Variants in UGT1A8 observed in about 807,000 individuals in gnomAD.
UGT1A8 encodes UDP glucuronosyltransferase family 1 member A8.
Under a neutral mutation model 45.3 loss-of-function variants are expected in UGT1A8, and 39 were observed. The ratio of observed to expected loss-of-function variants is 0.86; its 90% CI spans 0.67 to 1.12. The LOEUF (loss-of-function observed/expected upper bound fraction) is 1.12. Among genes scored for constraint, UGT1A8 ranks in the 50% most tolerant of loss-of-function variants. The pLI, the probability that UGT1A8 is intolerant of heterozygous loss-of-function variation, is 0.00. For missense variants in UGT1A8, 719 were observed against 664.9 expected (o/e 1.08, Z -0.90); for synonymous variants, 275 against 249.2 (o/e 1.10, Z -0.97).
intron 1 of UGT1A8, among the ~76,000 whole-genome samples, chr2:233,633,605 T>G (rs879576552): frequency 1.1e-4 from 16 of 152,332 alleles, no homozygotes; most frequent in Non-Finnish European, 1.9e-4. Flanking sequence ...GTAGAGGTGT[T>G]GATAGTATTC....
intron 1 of UGT1A8, among the ~76,000 whole-genome samples, chr2:233,665,168 TA>T (rs2125493541): frequency 6.6e-6 from 1 of 152,326 alleles, no homozygotes; most frequent in East Asian, 1.9e-4. Context: ...GCCAATAAAT[TA>T]TAGACATCTT....
At chr2:233,727,938 C>T (rs2077667828) in intron 1 of UGT1A8, among the ~76,000 whole-genome samples, 1 of 152,196 alleles carries the variant, frequency 6.6e-6, no homozygotes. Flanking sequence ...AGTGCACACC[C>T]CAGACAGCCT....
Position 233,720,480 on chromosome 2 carries a change from G to GTCCAAGAAGGGACTTCTGGTGAGGA in UGT1A8, c.856-46542_856-46541insCTTCTGGTGAGGATCCAAGAAGGGA, listed in dbSNP as rs2076862998. Among the ~76,000 whole-genome samples the GTCCAAGAAGGGACTTCTGGTGAGGA allele has an allele frequency of 3.3e-5, 5 of 152,228 alleles. No individual in the cohort carries two copies. In the South Asian group the frequency reaches 1.0e-3, roughly 32 times the overall value. ...TGGGACCAGTGATGAATGGACATGT[G>GTCCAAGAAGGGACTTCTGGTGAGGA]TCCAAGAAGGGAAGTGTTTCTCAGG... On this transcript the variant is annotated intron_variant, in intron 1 of 4. Transcript: ENST00000373450.
At chr2:233,665,851 A>G (rs988240449) in intron 1 of UGT1A8, among the ~76,000 whole-genome samples, 1 of 152,294 alleles carries the variant, frequency 6.6e-6, no homozygotes, top group African/African-American at 2.4e-5. Flanking sequence ...CCTTTTTAAG[A>G]ATTTGCCAGA....
intron 1 of UGT1A8, among the ~76,000 whole-genome samples, chr2:233,647,050 C>A (rs2073624094): frequency 6.6e-6 from 1 of 152,186 alleles, no homozygotes; most frequent in South Asian, 2.1e-4. Context: ...AAAGTCACAT[C>A]CTCCATGGAT....
At chr2:233,652,764 C>T (rs1045718646) in intron 1 of UGT1A8, among the ~76,000 whole-genome samples, 10 of 152,176 alleles carry the variant, frequency 6.6e-5, no homozygotes, top group Admixed American at 5.2e-4. Flanking sequence ...AGCTGCATAT[C>T]CACATGCAAA....
chr2:233,761,060 G>A, intron 1 of UGT1A8: 1 of 1,614,212 alleles, frequency 6.2e-7, no homozygotes, highest in Non-Finnish European at 8.5e-7. Flanking sequence ...CTGTTTAGAA[G>A]TGACTTTGTG....
chr2:233,618,527 G>A lies in UGT1A8; in HGVS notation c.820G>A (p.Gly274Ser), dbSNP rs2072944823. 2 of 1,613,742 alleles carry A rather than the reference G, an allele frequency of 1.2e-6. No homozygotes were observed. The highest frequency in any genetic ancestry group is 1.7e-6 in the Non-Finnish European group (2 of 1,179,800). The stretch of plus-strand genomic sequence containing the variant: ...GATGCCCAATATGATCTTCATTGGT[G>A]GTATCAACTGCCATCAGGGAAAGCC... ...PVMPNMIFIG[G>S]INCHQGKPLP... Residue 274 changes from glycine to serine, a missense_variant, in exon 1 of 5, where the codon GGT (glycine) becomes AGT (serine). Transcript: ENST00000373450.
At chr2:233,744,517 G>A (rs1213288029) in intron 1 of UGT1A8, among the ~76,000 whole-genome samples, 1 of 151,928 alleles carries the variant, frequency 6.6e-6, no homozygotes, top group African/African-American at 2.4e-5. Context: ...TGACACAATA[G>A]CAAATCTTAT....
chr2:233,618,412 C>T lies in UGT1A8; in HGVS notation c.705C>T (p.Leu235=). 6.2e-7 allele frequency: 1 copy of T among 1,613,914 alleles called. No individual in the cohort carries two copies. The highest frequency in any genetic ancestry group is 8.5e-7 in the Non-Finnish European group (1 of 1,179,856). The change falls in exon 1 of 5, where the codon CTC becomes CTT. Residue 235 remains leucine (L), a synonymous_variant. Transcript: ENST00000373450. ...KNALEIASEI[L]QTPVTAYDLY... ...CCCTAGAAATAGCCTCTGAAATTCT[C>T]CAAACACCTGTCACAGCATATGATC...
chr2:233,753,747 C>A (rs1162212818), intron 1 of UGT1A8: 2 of 152,344 alleles, frequency 1.3e-5, no homozygotes, highest in African/African-American at 4.8e-5. Context: ...AGCAATAGGA[C>A]AGTTTTGCGT....
intron 1 of UGT1A8, among the ~76,000 whole-genome samples, chr2:233,621,159 G>C (rs1398332709): frequency 6.6e-6 from 1 of 152,168 alleles, no homozygotes; most frequent in Non-Finnish European, 1.5e-5. Context: ...ATTTCAACGT[G>C]AGATTTGGAG....
At chr2:233,724,697 C>T (rs1320609945) in intron 1 of UGT1A8, among the ~76,000 whole-genome samples, 4 of 144,998 alleles carry the variant, frequency 2.8e-5, no homozygotes, top group East Asian at 2.2e-4. Context: ...CGGGTGAAGA[C>T]GCTCCTCGCT....
intron 1 of UGT1A8, among the ~76,000 whole-genome samples, chr2:233,631,677 A>G (rs185171779): frequency 2.0e-4 from 31 of 151,620 alleles, no homozygotes; most frequent in Non-Finnish European, 3.8e-4. Context: ...CCGCTTTTTG[A>G]TGGGGTTTTT....
intron 1 of UGT1A8, chr2:233,752,367 A>G (rs1694954220): frequency 1.3e-5 from 2 of 152,220 alleles, no homozygotes; most frequent in Admixed American, 1.3e-4. Context: ...AGGGGTCTCA[A>G]GAGGGTCATC....
chr2:233,696,392 T>C (rs1379214927), intron 1 of UGT1A8, among the ~76,000 whole-genome samples: 1 of 152,222 alleles, frequency 6.6e-6, no homozygotes, highest in Admixed American at 6.5e-5. Flanking sequence ...TCTTTGTACG[T>C]TTTGTAAATG....
At chr2:233,653,888 C>T (rs779681223) in intron 1 of UGT1A8, among the ~76,000 whole-genome samples, 1 of 152,316 alleles carries the variant, frequency 6.6e-6, no homozygotes, top group Non-Finnish European at 1.5e-5. Context: ...TGGGCCACCA[C>T]GCCCGGCCAA....
At chr2:233,755,085 C>T (rs753098995) in intron 1 of UGT1A8, 1 of 1,335,532 alleles carries the variant, frequency 7.5e-7, no homozygotes, top group Non-Finnish European at 1.0e-6. Flanking sequence ...ATAGATATCG[C>T]GTTTCTACGC....
intron 1 of UGT1A8, among the ~76,000 whole-genome samples, chr2:233,637,783 AC>A (rs1282375737): frequency 6.6e-6 from 1 of 152,152 alleles, no homozygotes; most frequent in African/African-American, 2.4e-5. Context: ...AAGTTCCCAT[AC>A]CTATTTAGTA....
Sources: allele counts gnomAD v4.1 joint callset (sites outside exome capture counted in the v4.1 genomes callset), GRCh38; gene constraint gnomAD v4.1.1; transcripts MANE v1.5; gene names NCBI Gene and HGNC (gene_info 2026-07-23, HGNC 2026-07-21).